TMEM132B: variants seen among roughly 807,000 people sequenced by gnomAD.
TMEM132B encodes the protein transmembrane protein 132B.
TMEM132B carries 18 observed loss-of-function variants against 90.8 expected under a neutral mutation model. The observed-to-expected ratio is 0.20, with a 90% CI of 0.14 to 0.29. The LOEUF is 0.29. TMEM132B is among the 10% of genes least tolerant of loss of function. The pLI is 1.00. For missense variants in TMEM132B, 1,096 were observed against 1,326.8 expected (o/e 0.83, Z 2.70); for synonymous variants, 504 against 523.3 (o/e 0.96, Z 0.50).
At chr12:125,197,962 T>C (rs1238532943) in intron 1 of TMEM132B, among the ~76,000 whole-genome samples, 4 of 152,202 alleles carry the variant, frequency 2.6e-5, no homozygotes, top group African/African-American at 9.7e-5. Context: ...TGAGATATTT[T>C]TTACTCTGTA....
intron 4 of TMEM132B, among the ~76,000 whole-genome samples, chr12:125,531,374 A>G (rs185373806): frequency 6.6e-6 from 1 of 152,200 alleles, no homozygotes; most frequent in East Asian, 1.9e-4. Context: ...TTTTTTGTAG[A>G]GACAAAGTCT....
chr12:125,312,631 A>G (rs1250871039), intron 1 of TMEM132B, among the ~76,000 whole-genome samples: 2 of 152,204 alleles, frequency 1.3e-5, no homozygotes, highest in Admixed American at 6.5e-5. Context: ...TGGATGGCAC[A>G]GCTAATGTAT....
chr12:125,507,819 G>C (rs11058212), intron 3 of TMEM132B, among the ~76,000 whole-genome samples: 21,718 of 152,164 alleles, frequency 0.14, 1,866 homozygotes, highest in Admixed American at 0.29. Context: ...AGAAGAGTAT[G>C]TGACTTAAGT....
At chr12:125,357,142 G>A (rs937200173) in intron 2 of TMEM132B, among the ~76,000 whole-genome samples, 1 of 152,110 alleles carries the variant, frequency 6.6e-6, no homozygotes, top group South Asian at 2.1e-4. Flanking sequence ...GGGAACAATG[G>A]CAATGAATAA....
intron 4 of TMEM132B, among the ~76,000 whole-genome samples, chr12:125,578,558 T>G (rs574634851): frequency 6.6e-6 from 1 of 152,236 alleles, no homozygotes; most frequent in African/African-American, 2.4e-5. Context: ...TCATGTGTAA[T>G]TAAGTTACTG....
chr12:125,606,701 G>T (rs1263390051), intron 5 of TMEM132B, among the ~76,000 whole-genome samples: 2 of 152,198 alleles, frequency 1.3e-5, no homozygotes, highest in Non-Finnish European at 2.9e-5. Context: ...CCCATCAGAA[G>T]TGGGTCTTCT....
Position 125,498,771 on chromosome 12 carries a change from T to C in TMEM132B, c.1107-20668T>C, listed in dbSNP as rs1882621433. Among the ~76,000 whole-genome samples, 1 of 152,230 alleles carries C rather than the reference T, an allele frequency of 6.6e-6. No individual in the cohort carries two copies. The highest frequency in any genetic ancestry group is 1.5e-5 in the Non-Finnish European group (1 of 68,048). Reference sequence around the variant, plus strand: ...GTTCTAATGTCCTTACAGAGGATACTGGTTAACGGTGTCTCTGGAGGTGAC... The same window carrying C: ...GTTCTAATGTCCTTACAGAGGATACCGGTTAACGGTGTCTCTGGAGGTGAC... On this transcript the variant is annotated intron_variant, in intron 3 of 8. Transcript: ENST00000682704. The surrounding 1 kb of genome is among the most constrained non-coding windows in gnomAD (Gnocchi z 4.5).
chr12:125,596,387 G>A (rs1318140807), intron 5 of TMEM132B, among the ~76,000 whole-genome samples: 3 of 152,160 alleles, frequency 2.0e-5, no homozygotes, highest in African/African-American at 7.2e-5. Context: ...GCTTCCAGAA[G>A]CAAAAGATCA....
At chr12:125,619,437 TC>T (rs1374825351) in intron 5 of TMEM132B, among the ~76,000 whole-genome samples, 1 of 152,068 alleles carries the variant, frequency 6.6e-6, no homozygotes, top group Non-Finnish European at 1.5e-5. Context: ...CGATCTCGGC[TC>T]ACTGCAACTT....
chr12:125,227,346 C>T (rs917765410), intron 1 of TMEM132B, among the ~76,000 whole-genome samples: 2 of 152,124 alleles, frequency 1.3e-5, no homozygotes, highest in Admixed American at 6.5e-5. Context: ...TTCATTATCC[C>T]CATTTTATAG....
intron 5 of TMEM132B, among the ~76,000 whole-genome samples, chr12:125,616,513 C>G (rs983907824): frequency 6.6e-5 from 10 of 152,138 alleles, no homozygotes; most frequent in Non-Finnish European, 1.5e-5. Context: ...TTTCCTCGAT[C>G]TGCACAAGGG....
At chr12:125,347,619 G>C (rs930013439) in intron 1 of TMEM132B, among the ~76,000 whole-genome samples, 1 of 152,204 alleles carries the variant, frequency 6.6e-6, no homozygotes, top group African/African-American at 2.4e-5. Context: ...TTTCTCTGCT[G>C]TTTCCTCCTC....
At chr12:125,263,088 A>T (rs1294526750) in intron 1 of TMEM132B, among the ~76,000 whole-genome samples, 1 of 152,234 alleles carries the variant, frequency 6.6e-6, no homozygotes, top group Non-Finnish European at 1.5e-5. Context: ...CTTCTCAAGT[A>T]ATCAACTGAG....
chr12:125,188,452 A>T (rs1279411564), intron 1 of TMEM132B, among the ~76,000 whole-genome samples: 1 of 152,052 alleles, frequency 6.6e-6, no homozygotes, highest in Non-Finnish European at 1.5e-5. Context: ...ATTTGCCTGG[A>T]TGTGCTTATA....
intron 3 of TMEM132B, among the ~76,000 whole-genome samples, chr12:125,473,879 G>T (rs895625547): frequency 2.0e-5 from 3 of 151,976 alleles, no homozygotes; most frequent in Non-Finnish European, 4.4e-5. Flanking sequence ...CAAAGCCAGG[G>T]GATTCAGTCA....
At chr12:125,255,227 TTCTC>T (rs529350083) in intron 1 of TMEM132B, among the ~76,000 whole-genome samples, 1 of 151,404 alleles carries the variant, frequency 6.6e-6, no homozygotes, top group Non-Finnish European at 1.5e-5. Context: ...GCGGAGCAAA[TTCTC>T]TCTCTTCTCT....
chr12:125,652,308 T>G (rs1240675539), intron 7 of TMEM132B, 133 bp from the exon 8 acceptor site: 3 of 753,912 alleles, frequency 4.0e-6, no homozygotes, highest in Non-Finnish European at 6.2e-6. Context: ...GGCATAATAC[T>G]TCCCTAACCG....
chr12:125,510,674 T>G (rs914437856), intron 3 of TMEM132B, among the ~76,000 whole-genome samples: 1 of 152,232 alleles, frequency 6.6e-6, no homozygotes, highest in Non-Finnish European at 1.5e-5. Context: ...TTCTTCAAAT[T>G]TTAAAAGAAA....
At chr12:125,643,251 A>G (rs1020150972) in intron 5 of TMEM132B, among the ~76,000 whole-genome samples, 2 of 152,234 alleles carry the variant, frequency 1.3e-5, no homozygotes, top group South Asian at 2.1e-4. Context: ...CCTCAGCAGT[A>G]TGAATGCAAA....
Sources: allele counts gnomAD v4.1 joint callset (sites outside exome capture counted in the v4.1 genomes callset), GRCh38; gene constraint gnomAD v4.1.1; non-coding constraint Gnocchi (gnomAD v3.1); transcripts MANE v1.5; gene names NCBI Gene and HGNC (gene_info 2026-07-23, HGNC 2026-07-21).